The following CDH4 variants were observed in gnomAD, a reference collection of about 807,000 sequenced individuals.
CDH4 encodes the protein cadherin-4.
A neutral mutation model predicts 86.0 loss-of-function variants in CDH4; 33 were observed. That is an observed-to-expected ratio of 0.38 (90% CI 0.29 to 0.51). The LOEUF (loss-of-function observed/expected upper bound fraction) is 0.51, where lower values mean the gene tolerates loss of function less well. Among genes scored for constraint, CDH4 ranks in the 20% least tolerant of loss-of-function variants. The pLI, the probability that CDH4 is intolerant of heterozygous loss-of-function variation, is 0.86. For missense variants in CDH4, 1,114 were observed against 1,307.4 expected (o/e 0.85, Z 2.28); for synonymous variants, 555 against 549.4 (o/e 1.01, Z -0.14).
intron 2 of CDH4, among the ~76,000 whole-genome samples, chr20:61,331,685 G>A (rs200178579): frequency 3.1e-3 from 267 of 87,182 alleles, no homozygotes; most frequent in Middle Eastern, 8.2e-3. Context: ...TCCTGCCCCG[G>A]CCACCTGCCC....
chr20:61,821,695 G>C (rs75911101), intron 4 of CDH4, among the ~76,000 whole-genome samples: 2,401 of 152,338 alleles, frequency 0.016, 113 homozygotes, highest in South Asian at 0.12. Flanking sequence ...AAGACCCTTG[G>C]GGGGGTCTAC....
intron 8 of CDH4, among the ~76,000 whole-genome samples, chr20:61,895,289 T>A (rs1985054015): frequency 6.6e-6 from 1 of 152,202 alleles, no homozygotes; most frequent in South Asian, 2.1e-4. Context: ...GGTTGCCACC[T>A]GGGAGGCATC....
chr20:61,844,602 A>G lies in CDH4; in HGVS notation c.577-66A>G. The stretch of plus-strand genomic sequence containing the variant: ...GAACTCATGAGAGGGGATGAATGTC[A>G]GAGATCGGCCCCGGGCCTCTCCTCA... On this transcript the variant is annotated intron_variant, in intron 4 of 15. Coordinates refer to ENST00000614565, the MANE Select transcript of CDH4 (RefSeq NM_001794.5). 5 of 1,483,734 alleles carry G rather than the reference A, an allele frequency of 3.4e-6. No homozygotes were observed. In the Admixed American group the frequency reaches 5.6e-5, roughly 17 times the overall value. The allele number at this position is 1,483,734 out of a possible 1,614,324, so 91.9% of individuals were successfully genotyped here.
chr20:61,474,527 C>T (rs190895000), intron 2 of CDH4, among the ~76,000 whole-genome samples: 56 of 151,886 alleles, frequency 3.7e-4, no homozygotes, highest in African/African-American at 9.4e-4. Context: ...GTAGTACCTT[C>T]GGGGTAGTAA....
intron 6 of CDH4, among the ~76,000 whole-genome samples, chr20:61,863,096 T>C (rs184373174): frequency 6.6e-6 from 1 of 152,346 alleles, no homozygotes; most frequent in African/African-American, 2.4e-5. Flanking sequence ...GAATTAGTTT[T>C]CAAATTAAAC....
At chr20:61,798,002 A>C (rs1035014949) in intron 4 of CDH4, among the ~76,000 whole-genome samples, 2 of 152,190 alleles carry the variant, frequency 1.3e-5, no homozygotes, top group Admixed American at 1.3e-4. Context: ...GAGAAAGCCA[A>C]AATGGAAAAG....
At chr20:61,882,926 C>T (rs867364175) in intron 7 of CDH4, among the ~76,000 whole-genome samples, 89 of 152,202 alleles carry the variant, frequency 5.8e-4, no homozygotes, top group South Asian at 1.2e-3. Context: ...ACGGAAGCCA[C>T]TCAGACCACG....
At chr20:61,699,295 G>C (rs2087748177) in intron 2 of CDH4, among the ~76,000 whole-genome samples, 1 of 152,220 alleles carries the variant, frequency 6.6e-6, no homozygotes, top group Non-Finnish European at 1.5e-5. Context: ...TGAGGGGGCA[G>C]AGAGGCAGGG....
intron 2 of CDH4, among the ~76,000 whole-genome samples, chr20:61,546,579 G>C (rs746738348): frequency 1.8e-4 from 27 of 151,396 alleles, no homozygotes; most frequent in Non-Finnish European, 3.1e-4. Flanking sequence ...CAGAAATCAG[G>C]GCAGGGAGGG....
rs778048684 is a variant in CDH4, at chr20:61,258,329, C to CAAA, written c.169+3406_169+3408dup. 6.8e-3 allele frequency among the ~76,000 whole-genome samples: 425 copies of CAAA among 62,346 alleles called. 22 individuals carry two copies. Among genetic ancestry groups the CAAA allele is most frequent in the African/African-American group, 0.028 (391 of 13,720 alleles). 40.9% of individuals were successfully genotyped at this position (62,346 alleles called of 152,430 possible). A position where few individuals can be genotyped will look rare whatever the true frequency, so the allele number is the denominator to read the frequency against. Reference sequence around the variant, plus strand: ...TGGGCAAAAGAACGAGACTCCGTCTCAAAAAAAAAAAAAAAAGAAAAAAAA... The same window carrying CAAA: ...TGGGCAAAAGAACGAGACTCCGTCTCAAAAAAAAAAAAAAAAAAAGAAAAAAAA... On this transcript the variant is annotated intron_variant, in intron 2 of 15. Coordinates refer to ENST00000614565, the MANE Select transcript of CDH4 (RefSeq NM_001794.5).
intron 2 of CDH4, among the ~76,000 whole-genome samples, chr20:61,328,373 C>T (rs950969072): frequency 1.3e-5 from 2 of 152,150 alleles, no homozygotes; most frequent in Non-Finnish European, 2.9e-5. Flanking sequence ...GATGGGGTTT[C>T]ACTGTGTTAG....
intron 2 of CDH4, among the ~76,000 whole-genome samples, chr20:61,444,161 T>C (rs62650046): frequency 0.28 from 42,063 of 151,064 alleles, 6,454 homozygotes; most frequent in East Asian, 0.52. Flanking sequence ...TGTCTGTATC[T>C]ATGTGTGTGT....
chr20:61,846,993 C>T (rs1260070669), intron 5 of CDH4, among the ~76,000 whole-genome samples: 4 of 152,210 alleles, frequency 2.6e-5, no homozygotes, highest in Admixed American at 6.5e-5. Context: ...TGCAGGAGGA[C>T]TCAGGACCCA....
chr20:61,272,013 C>T (rs17204158), intron 2 of CDH4, among the ~76,000 whole-genome samples: 1 of 152,050 alleles, frequency 6.6e-6, no homozygotes, highest in Non-Finnish European at 1.5e-5. Context: ...CAAGGCGCTG[C>T]TCTTGTACTT....
At chr20:61,565,257 A>AGTGGTCGCGGTGCTCT in intron 2 of CDH4, among the ~76,000 whole-genome samples, 1 of 14,892 alleles carries the variant, frequency 6.7e-5, no homozygotes, top group Non-Finnish European at 1.1e-4. Flanking sequence ...GCTCTTGGTG[A>AGTGGTCGCGGTGCTCT]TGGTGGTGGT....
At chr20:61,793,321 T>A (rs1979314014) in intron 4 of CDH4, among the ~76,000 whole-genome samples, 1 of 149,172 alleles carries the variant, frequency 6.7e-6, no homozygotes, top group South Asian at 2.1e-4. Context: ...AAACATTAGT[T>A]CTTGGCGACA....
chr20:61,612,911 C>T (rs2086696234), intron 2 of CDH4, among the ~76,000 whole-genome samples: 1 of 152,072 alleles, frequency 6.6e-6, no homozygotes, highest in South Asian at 2.1e-4. Flanking sequence ...ATGTCTACTA[C>T]AGGGAACTCA....
intron 2 of CDH4, among the ~76,000 whole-genome samples, chr20:61,357,371 C>A (rs1331438667): frequency 1.3e-5 from 2 of 151,798 alleles, no homozygotes; most frequent in Non-Finnish European, 2.9e-5. Flanking sequence ...GTGTTGCAGC[C>A]ACACACACTG....
In CDH4 at chr20:61,902,274, C is replaced by G. The variant is rs533263644; in HGVS notation, c.1188+7227C>G. Among the ~76,000 whole-genome samples the G allele has an allele frequency of 5.8e-4, 88 of 152,364 alleles. No homozygotes were observed. The highest frequency in any genetic ancestry group is 3.5e-3 in the South Asian group (17 of 4,834). The stretch of plus-strand genomic sequence containing the variant: ...GGCAGAAAAGGTCAAGCCGGGGCCT[C>G]TGAAACCAGGACCCCCGGGGCCTCC... On this transcript the variant is annotated intron_variant, in intron 8 of 15. Coordinates refer to ENST00000614565, the MANE Select transcript of CDH4 (RefSeq NM_001794.5). The surrounding 1 kb of genome is among the most constrained non-coding windows in gnomAD (Gnocchi z 4.6).
Sources: gnomAD v4.1 joint callset for allele counts (sites outside exome capture counted in the v4.1 genomes callset) on GRCh38, gnomAD v4.1.1 for gene constraint, Gnocchi (gnomAD v3.1) non-coding constraint, MANE v1.5 for transcripts, NCBI Gene and HGNC (gene_info 2026-07-23, HGNC 2026-07-21) for gene names.